F8: variants seen among roughly 807,000 people sequenced by gnomAD.
The protein encoded by F8 is coagulation factor VIII.
A neutral mutation model predicts 140.6 loss-of-function variants in F8; 12 were observed. That is an observed-to-expected ratio of 0.09 (90% confidence interval 0.05 to 0.14). The LOEUF is 0.14. Ranked by LOEUF, F8 falls within the 10% of genes least tolerant of loss-of-function variation. The pLI, the probability that F8 is intolerant of heterozygous loss-of-function variation, is 1.00. For missense variants in F8, 1,354 were observed against 1,720.7 expected (o/e 0.79, Z 3.77); for synonymous variants, 585 against 614.6 (o/e 0.95, Z 0.71).
At chrX:154,956,900 T>C in intron 11 of F8, 57 bp downstream of exon 11, 7 of 946,408 alleles carry the variant, frequency 7.4e-6, no homozygotes, top group Non-Finnish European at 1.1e-5. Context: ...TTTCTTCAGG[T>C]TATAAGGGGA....
In F8 at chrX:155,011,705, G is replaced by C. The variant is rs781904731; in HGVS notation, c.143+10705C>G. Reference sequence around the variant, plus strand: ...CAAAATGTGGTCTATCCATACAATGGAGTATTATTCAGCCATAAAAAGGAG... The same window carrying C: ...CAAAATGTGGTCTATCCATACAATGCAGTATTATTCAGCCATAAAAAGGAG... On this transcript the variant is annotated intron_variant, in intron 1 of 25. Transcript: ENST00000360256. Among the ~76,000 whole-genome samples the C allele has an allele frequency of 4.5e-5, 5 of 112,280 alleles. No individual in the cohort carries two copies. The East Asian group carries it at 1.4e-3, about 31-fold the overall frequency.
intron 13 of F8, among the ~76,000 whole-genome samples, chrX:154,945,474 A>C (rs2073298434): frequency 8.9e-6 from 1 of 112,451 alleles, no homozygotes; most frequent in Admixed American, 9.4e-5. Flanking sequence ...AATGTGATAC[A>C]TCATATCAAC....
At chrX:154,852,264 G>T (rs2072621847) in intron 25 of F8, among the ~76,000 whole-genome samples, 1 of 110,462 alleles carries the variant, frequency 9.1e-6, no homozygotes, top group South Asian at 3.9e-4. Context: ...TAGATACAGA[G>T]TCTCACTGTG....
At chrX:154,880,631 T>C (rs782121735) in intron 22 of F8, among the ~76,000 whole-genome samples, 14 of 112,465 alleles carry the variant, frequency 1.2e-4, no homozygotes, top group Non-Finnish European at 2.3e-4. Flanking sequence ...CCCATGTACA[T>C]GTAAAAAATG....
At chrX:154,850,273 C>T (rs1297726661) in intron 25 of F8, among the ~76,000 whole-genome samples, 19 of 109,397 alleles carry the variant, frequency 1.7e-4, no homozygotes, top group African/African-American at 5.0e-4. Context: ...GGATTACAAG[C>T]GCATGCCAGC....
chrX:154,985,435 CA>C (rs1444629615), intron 5 of F8, among the ~76,000 whole-genome samples: 4 of 101,254 alleles, frequency 4.0e-5, no homozygotes, highest in Non-Finnish European at 2.0e-5. Flanking sequence ...GACTCGATCT[CA>C]AAAAAAAAAG....
chrX:154,955,148 C>G (rs1349172746), intron 11 of F8, among the ~76,000 whole-genome samples: 1 of 92,012 alleles, frequency 1.1e-5, no homozygotes, highest in Non-Finnish European at 2.2e-5. Flanking sequence ...ATGTTTTGCC[C>G]AAAAGTATTT....
intron 7 of F8, among the ~76,000 whole-genome samples, chrX:154,967,006 C>A (rs2073428648): frequency 9.0e-6 from 1 of 111,097 alleles, no homozygotes; most frequent in South Asian, 3.8e-4. Context: ...CCCCCATGAT[C>A]CAAACATCTG....
At chrX:154,885,599 T>TG (rs1235928599) in intron 22 of F8, 2 of 76,361 alleles carry the variant, frequency 2.6e-5, no homozygotes, top group Non-Finnish European at 2.2e-5. Flanking sequence ...GGGGTGGGGG[T>TG]GGGGGGGCGG....
rs1039426474 is a variant in F8 at position 154,913,297 on chromosome X, C to T, written c.5220-6724G>A. Among the ~76,000 whole-genome samples the T allele has an allele frequency of 2.7e-5, 3 of 110,893 alleles. No homozygotes were observed. The Admixed American group carries it at 2.8e-4, about 11-fold the overall frequency. On this transcript the variant is annotated intron_variant, in intron 14 of 25. Transcript: ENST00000360256. Reference sequence around the variant, plus strand: ...ATCTCTGGATAGGCAGGAATTTTTACAAACAATATACTACAATTCAAGATG... The same window carrying T: ...ATCTCTGGATAGGCAGGAATTTTTATAAACAATATACTACAATTCAAGATG...
intron 4 of F8, 85 bp from the exon 5 acceptor site, chrX:154,987,390 A>G: frequency 1.2e-6 from 1 of 834,115 alleles, no homozygotes; most frequent in Non-Finnish European, 1.8e-6. Context: ...GTTCTTCATC[A>G]GTTACTTGAC....
chrX:154,920,481 T>C (rs2073123888), intron 14 of F8, among the ~76,000 whole-genome samples: 1 of 111,096 alleles, frequency 9.0e-6, no homozygotes, highest in Non-Finnish European at 1.9e-5. Flanking sequence ...AGACAGGGTC[T>C]TGCTCTGTTG....
intron 14 of F8, among the ~76,000 whole-genome samples, chrX:154,911,410 C>T (rs1206163785): frequency 1.8e-5 from 2 of 109,618 alleles, no homozygotes; most frequent in African/African-American, 6.7e-5. Flanking sequence ...TCTCTATCTC[C>T]GTGAGATCCA....
chrX:154,993,685 C>T (rs2073601677), intron 3 of F8, among the ~76,000 whole-genome samples: 1 of 112,349 alleles, frequency 8.9e-6, no homozygotes, highest in South Asian at 3.6e-4. Flanking sequence ...TTGATATCTC[C>T]ACATTCTGTT....
At chrX:154,956,466 A>G in intron 11 of F8, among the ~76,000 whole-genome samples, 1 of 112,293 alleles carries the variant, frequency 8.9e-6, no homozygotes, top group Non-Finnish European at 1.9e-5. Flanking sequence ...AGAAATTATA[A>G]AAGTATTAAT....
intron 22 of F8, among the ~76,000 whole-genome samples, chrX:154,869,282 T>A (rs782697081): frequency 9.0e-6 from 1 of 111,468 alleles, no homozygotes; most frequent in East Asian, 2.8e-4. Context: ...TAAAACTGAT[T>A]ACATAATTCG....
intron 1 of F8, among the ~76,000 whole-genome samples, chrX:155,006,291 G>A (rs1379420761): frequency 3.8e-5 from 3 of 78,788 alleles, no homozygotes; most frequent in African/African-American, 9.9e-5. Flanking sequence ...AAGGGTGGAT[G>A]CGAAGCAGTA....
intron 13 of F8, among the ~76,000 whole-genome samples, chrX:154,935,483 A>C (rs2124060148): frequency 8.9e-6 from 1 of 111,961 alleles, no homozygotes; most frequent in African/African-American, 3.2e-5. Context: ...GTTTACATGC[A>C]AAAAATAAAA....
chrX:154,931,265 C>T lies in F8; in HGVS notation c.2525G>A (p.Gly842Glu). ...CAGGCTGTTATTACTGTCTATTGCT[C>T]CAGGTGATGGATCATCAGAAAAAGT... is the stretch of plus-strand genomic sequence containing the variant. ...YETFSDDPSPGAIDSNNSLSE... is the reference protein window; with the variant it reads ...YETFSDDPSPEAIDSNNSLSE... The change falls in exon 14 of 26, where the codon GGA (glycine) becomes GAA (glutamate). Residue 842 changes from glycine (G) to glutamate (E), a missense_variant. Physicochemically the swap from Gly to Glu is moderately conservative, Grantham distance 98. Transcript: ENST00000360256. 8.3e-7 allele frequency: 1 copy of T among 1,210,969 alleles called. No individual in the cohort carries two copies. Among genetic ancestry groups the T allele is most frequent in the Non-Finnish European group, 1.1e-6 (1 of 895,147 alleles).
Sources: allele counts gnomAD v4.1 joint callset (sites outside exome capture counted in the v4.1 genomes callset), GRCh38; gene constraint gnomAD v4.1.1; transcripts MANE v1.5; gene names NCBI Gene and HGNC (gene_info 2026-07-23, HGNC 2026-07-21).